The following CNTNAP2 variants were observed in gnomAD, a reference collection of about 807,000 sequenced individuals.
The protein encoded by CNTNAP2 is contactin associated protein 2.
Under a neutral mutation model 155.2 loss-of-function variants are expected in CNTNAP2, and 98 were observed. The ratio of observed to expected loss-of-function variants is 0.63; its 90% confidence interval spans 0.54 to 0.75. The LOEUF (loss-of-function observed/expected upper bound fraction) is 0.75. Ranked by LOEUF, CNTNAP2 falls within the 30% of genes least tolerant of loss-of-function variation. CNTNAP2 has a pLI of 0.00. For synonymous variants in CNTNAP2, 651 were observed against 631.2 expected, an observed-to-expected ratio of 1.03 and a Z score of -0.47; for missense variants, 1,727 against 1,688.1, an observed-to-expected ratio of 1.02 and a Z score of -0.40.
At chr7:147,192,392 T>G (rs1019434180) in intron 8 of CNTNAP2, among the ~76,000 whole-genome samples, 1 of 152,182 alleles carries the variant, frequency 6.6e-6, no homozygotes, top group African/African-American at 2.4e-5. Flanking sequence ...GACTATACCC[T>G]CTTTCTCCTA....
At chr7:147,639,735 C>T (rs1352156827) in intron 13 of CNTNAP2, among the ~76,000 whole-genome samples, 2 of 152,130 alleles carry the variant, frequency 1.3e-5, no homozygotes, top group South Asian at 4.1e-4. Context: ...TCTTTCTTCC[C>T]AGTAGTTGCT....
chr7:147,156,546 CTGCATA>C (rs1387796785), intron 8 of CNTNAP2, among the ~76,000 whole-genome samples: 1 of 152,146 alleles, frequency 6.6e-6, no homozygotes, highest in African/African-American at 2.4e-5. Context: ...TGCATAAACC[CTGCATA>C]TGCACACTGT....
At chr7:147,417,204 T>C (rs949302281) in intron 10 of CNTNAP2, among the ~76,000 whole-genome samples, 6 of 152,178 alleles carry the variant, frequency 3.9e-5, no homozygotes, top group African/African-American at 1.4e-4. Context: ...ATATTATAAC[T>C]CATTGTTTTA....
In CNTNAP2 at chr7:148,267,090, A is replaced by G; in HGVS notation, c.3439A>G (p.Asn1147Asp). ...GCCAAGTTCATCCGACACCCTCTTCAATTCTCCCAAGTCGCTCTTTCTGGG... is the reference window on the plus strand; with the variant it reads ...GCCAAGTTCATCCGACACCCTCTTCGATTCTCCCAAGTCGCTCTTTCTGGG... ...HLPSSSDTLF[N>D]SPKSLFLGKV... The change falls in exon 21 of 24, where the codon AAT becomes GAT. Residue 1147 changes from asparagine to aspartate, a missense_variant. Asn to Asp is a conservative substitution (Grantham distance 23, BLOSUM62 1). Transcript: ENST00000361727. 6.2e-7 allele frequency: 1 copy of G among 1,614,152 alleles called. No individual in the cohort carries two copies.
At chr7:146,241,016 G>T (rs1422282149) in intron 1 of CNTNAP2, among the ~76,000 whole-genome samples, 1 of 152,128 alleles carries the variant, frequency 6.6e-6, no homozygotes, top group Admixed American at 6.5e-5. Flanking sequence ...GGGAGAATGT[G>T]GTGGGGGAGT....
intron 9 of CNTNAP2, among the ~76,000 whole-genome samples, chr7:147,341,239 G>A (rs1261779038): frequency 6.6e-6 from 1 of 151,950 alleles, no homozygotes; most frequent in Admixed American, 6.6e-5. Context: ...GTCGAACAAT[G>A]AGAACACATG....
At chr7:146,908,819 A>G (rs1354241813) in intron 3 of CNTNAP2, among the ~76,000 whole-genome samples, 1 of 129,156 alleles carries the variant, frequency 7.7e-6, no homozygotes, top group Non-Finnish European at 1.8e-5. Flanking sequence ...AACTGAAGGA[A>G]ATAGAGACAC....
chr7:146,809,036 A>G (rs553838176), intron 2 of CNTNAP2, among the ~76,000 whole-genome samples: 2 of 152,320 alleles, frequency 1.3e-5, no homozygotes, highest in Admixed American at 1.3e-4. Flanking sequence ...ATAAAAATGC[A>G]GATATCCCTT....
intron 3 of CNTNAP2, among the ~76,000 whole-genome samples, chr7:146,939,162 G>C (rs1246900921): frequency 1.3e-5 from 2 of 152,036 alleles, no homozygotes; most frequent in African/African-American, 2.4e-5. Context: ...ACCCCCAAAT[G>C]AGAAAAAATG....
chr7:147,836,262 T>C (rs976529405), intron 13 of CNTNAP2, among the ~76,000 whole-genome samples: 12 of 152,334 alleles, frequency 7.9e-5, no homozygotes, highest in Admixed American at 7.2e-4. Context: ...CTAAATGTTT[T>C]TTAGCCTAAA....
At chr7:148,090,855 C>T (rs563914934) in intron 15 of CNTNAP2, among the ~76,000 whole-genome samples, 2 of 152,116 alleles carry the variant, frequency 1.3e-5, no homozygotes, top group South Asian at 4.1e-4. Flanking sequence ...TGCCCATCAA[C>T]AGATGAACAG....
At chr7:147,225,186 A>G (rs1803493142) in intron 8 of CNTNAP2, among the ~76,000 whole-genome samples, 1 of 152,218 alleles carries the variant, frequency 6.6e-6, no homozygotes, top group South Asian at 2.1e-4. Context: ...TTACAGCACC[A>G]TATTGCTCAC....
chr7:147,246,999 T>G, intron 8 of CNTNAP2, among the ~76,000 whole-genome samples: 1 of 152,242 alleles, frequency 6.6e-6, no homozygotes, highest in Admixed American at 6.5e-5. Flanking sequence ...AAGAAGCTTT[T>G]ATTCACTTCA....
intron 5 of CNTNAP2, among the ~76,000 whole-genome samples, chr7:147,112,404 T>G (rs1800898051): frequency 6.6e-6 from 1 of 152,188 alleles, no homozygotes; most frequent in Non-Finnish European, 1.5e-5. Context: ...TAGCCAATAC[T>G]GTGTTGAATA....
chr7:146,198,742 G>A (rs1422166867), intron 1 of CNTNAP2, among the ~76,000 whole-genome samples: 2 of 151,398 alleles, frequency 1.3e-5, no homozygotes, highest in Non-Finnish European at 2.9e-5. Flanking sequence ...TTTTTACAGT[G>A]CCAATAAGAA....
At chr7:148,186,618 C>G (rs559404938) in intron 18 of CNTNAP2, among the ~76,000 whole-genome samples, 1 of 152,310 alleles carries the variant, frequency 6.6e-6, no homozygotes, top group South Asian at 2.1e-4. Context: ...TGGAGAATGT[C>G]TCCATGAAGA....
intron 3 of CNTNAP2, among the ~76,000 whole-genome samples, chr7:146,979,857 T>C (rs1001782651): frequency 6.6e-6 from 1 of 152,208 alleles, no homozygotes; most frequent in Non-Finnish European, 1.5e-5. Context: ...GAGTAAAATA[T>C]AAATCAGATG....
chr7:148,302,670 G>C (rs1411078791), intron 21 of CNTNAP2, among the ~76,000 whole-genome samples: 1 of 152,042 alleles, frequency 6.6e-6, no homozygotes, highest in Non-Finnish European at 1.5e-5. Flanking sequence ...TTTATAAGGG[G>C]CTCTTCTCCC....
Position 146,977,079 on chromosome 7 carries a change from A to G in CNTNAP2, c.403-66828A>G, listed in dbSNP as rs923133134. ...TGCTCCTGAGGTCTAAAGAACCCCA[A>G]CGTTATAACAAAGGCCACAGGAGTT... On this transcript the variant is annotated intron_variant, in intron 3 of 23. Coordinates refer to ENST00000361727, the MANE Select transcript of CNTNAP2 (RefSeq NM_014141.6). 1.3e-5 allele frequency among the ~76,000 whole-genome samples: 2 copies of G among 152,160 alleles called. 1 individual carries two copies. Among genetic ancestry groups the G allele is most frequent in the South Asian group, 4.1e-4 (2 of 4,838 alleles).
Sources: gnomAD v4.1 joint callset for allele counts (sites outside exome capture counted in the v4.1 genomes callset) on GRCh38, gnomAD v4.1.1 for gene constraint, MANE v1.5 for transcripts, NCBI Gene and HGNC (gene_info 2026-07-23, HGNC 2026-07-21) for gene names.